Variants in TM4SF1 observed in about 807,000 individuals in gnomAD.
TM4SF1 encodes the protein transmembrane 4 L six family member 1.
TM4SF1 carries 20 observed loss-of-function variants against 24.5 expected under a neutral mutation model. That is an observed-to-expected ratio of 0.82 (90% CI 0.57 to 1.19). TM4SF1 has a LOEUF of 1.19. TM4SF1 is among the 50% of genes most tolerant of loss of function. The pLI, the probability that TM4SF1 is intolerant of heterozygous loss-of-function variation, is 0.00. For synonymous variants in TM4SF1, 107 were observed against 95.4 expected (o/e 1.12, Z -0.71); for missense variants, 258 against 248.1 (o/e 1.04, Z -0.27).
In TM4SF1 at chr3:149,375,570, C is replaced by T. The variant is rs774759614; in HGVS notation, c.286G>A (p.Ala96Thr). 4 of 1,614,126 alleles carry T rather than the reference C, an allele frequency of 2.5e-6. No individual in the cohort carries two copies. The highest frequency in any genetic ancestry group is 1.1e-5 in the South Asian group (1 of 91,078). The stretch of plus-strand genomic sequence containing the variant: ...GATCCTGCAATTCCAATGAGAGCAG[C>T]CAATACAGAAGAAAGCATCTAGGGA... ...KRCAMLSSVL[A>T]ALIGIAGSGY... Residue 96 changes from alanine (A) to threonine (T), a missense_variant, in exon 3 of 5, where the codon GCT (alanine) becomes ACT (threonine). Physicochemically the swap from Ala to Thr is moderately conservative, Grantham distance 58 (BLOSUM62 0). Transcript: ENST00000305366.
Position 149,369,801 on chromosome 3 carries a change from CA to C in TM4SF1, c.*64del. On this transcript the variant is annotated 3_prime_UTR_variant, in exon 5 of 5. Transcript: ENST00000305366. ...TAATACAAAGTTTTACAAATGAATA[CA>C]AGTGAAATATATAAATTACAATGAA... 6.2e-7 allele frequency: 1 copy of C among 1,601,224 alleles called. No individual in the cohort carries two copies. Among genetic ancestry groups the C allele is most frequent in the Non-Finnish European group, 8.5e-7 (1 of 1,173,822 alleles).
At position 149,371,731 on chromosome 3, in the gene TM4SF1, C is replaced by A. The variant is rs537094498; in HGVS notation, c.550G>T (p.Gly184Ter). Residue 184 changes from glycine to a stop codon, truncating the protein, a stop_gained, in exon 4 of 5, where the codon GGA becomes TGA. Transcript: ENST00000305366. LOFTEE classifies it high-confidence loss of function. ...FILCLIQVIN[G>*]VLGGICGFCC... The stretch of plus-strand genomic sequence containing the variant: ...AAGCCACATATGCCTCCAAGCACTC[C>A]ATTTATTACTTGAATAAGACACAAG... 6.2e-7 allele frequency: 1 copy of A among 1,614,144 alleles called. No individual in the cohort carries two copies. Among genetic ancestry groups the A allele is most frequent in the African/African-American group, 1.3e-5 (1 of 75,032 alleles).
chr3:149,372,852 T>C (rs892196204), intron 3 of TM4SF1, among the ~76,000 whole-genome samples: 4 of 152,312 alleles, frequency 2.6e-5, no homozygotes, highest in Non-Finnish European at 4.4e-5. Context: ...CACACTGCAT[T>C]TGCTCATTCA....
At chr3:149,371,965 A>T (rs1731834412) in intron 3 of TM4SF1, 98 bp from the exon 4 acceptor site, 4 of 1,187,210 alleles carry the variant, frequency 3.4e-6, no homozygotes, top group Non-Finnish European at 4.8e-6. Flanking sequence ...GAAAAAAGGA[A>T]TGAATTATTC....
In TM4SF1 at chr3:149,375,687, C is replaced by T. The variant is rs746963430; in HGVS notation, c.260G>A (p.Arg87Gln). The T allele has an allele frequency of 2.8e-5, 45 of 1,614,102 alleles. No homozygotes were observed. Among genetic ancestry groups the T allele is most frequent in the Admixed American group, 1.0e-4 (6 of 60,006 alleles). ...GCCGHENCGK[R>Q]CAMLSSVLAA... ...CAGGGCAGGAGGACCTACCGCACATCGTTTGCCACAGTTTTCATGGCCACA... is the reference window on the plus strand; with the variant it reads ...CAGGGCAGGAGGACCTACCGCACATTGTTTGCCACAGTTTTCATGGCCACA... The change falls in exon 2 of 5, where the codon CGA (arginine) becomes CAA (glutamine). Residue 87 changes from arginine to glutamine, a missense_variant. Coordinates refer to ENST00000305366, the MANE Select transcript of TM4SF1 (RefSeq NM_014220.3).
At chr3:149,376,265 A>AATAAT (rs1478810206) in intron 1 of TM4SF1, among the ~76,000 whole-genome samples, 1 of 152,242 alleles carries the variant, frequency 6.6e-6, no homozygotes, top group Non-Finnish European at 1.5e-5. Context: ...TAACAATATT[A>AATAAT]AGCTCTTAAA....
chr3:149,373,677 C>G (rs2108378317), intron 3 of TM4SF1, among the ~76,000 whole-genome samples: 1 of 152,264 alleles, frequency 6.6e-6, no homozygotes, highest in Non-Finnish European at 1.5e-5. Flanking sequence ...CCACCTGGCT[C>G]CCAGGCAACT....
At chr3:149,375,994 A>G (rs115829385) in intron 1 of TM4SF1, among the ~76,000 whole-genome samples, 1,529 of 152,316 alleles carry the variant, frequency 0.01, 33 homozygotes, top group African/African-American at 0.035. Context: ...TAGGGTGAGG[A>G]TGTAACATGG....
chr3:149,371,676 C>T lies in TM4SF1; in HGVS notation c.594+11G>A. 9 of 1,614,068 alleles carry T rather than the reference C, an allele frequency of 5.6e-6. No individual in the cohort carries two copies. The highest frequency in any genetic ancestry group is 6.8e-6 in the Non-Finnish European group (8 of 1,179,968). On this transcript the variant is annotated intron_variant, in intron 4 of 4. Transcript: ENST00000305366. ...AGGGCCAGACTACGACATTTTCATG[C>T]AGGTTCTTACCTGTTGGTGAGAGCA...
chr3:149,375,693 C>T lies in TM4SF1; in HGVS notation c.254G>A (p.Gly85Asp). 6 of 1,614,208 alleles carry T rather than the reference C, an allele frequency of 3.7e-6. No homozygotes were observed. Among genetic ancestry groups the T allele is most frequent in the Non-Finnish European group, 5.1e-6 (6 of 1,180,032 alleles). ...CCGCCGHENC[G>D]KRCAMLSSVL... Reference sequence around the variant, plus strand: ...AGGAGGACCTACCGCACATCGTTTGCCACAGTTTTCATGGCCACAGCAGCC... The same window carrying T: ...AGGAGGACCTACCGCACATCGTTTGTCACAGTTTTCATGGCCACAGCAGCC... The change falls in exon 2 of 5, where the codon GGC becomes GAC. Residue 85 changes from glycine (G) to aspartate (D), a missense_variant. Physicochemically the swap from Gly to Asp is moderately conservative, Grantham distance 94. Coordinates refer to ENST00000305366, the MANE Select transcript of TM4SF1 (RefSeq NM_014220.3).
At chr3:149,376,696 T>C (rs978482957) in intron 1 of TM4SF1, among the ~76,000 whole-genome samples, 12 of 152,340 alleles carry the variant, frequency 7.9e-5, no homozygotes, top group Non-Finnish European at 1.0e-4. Context: ...GTAGCAAACT[T>C]AAGTTTGCTC....
At chr3:149,377,291 C>T in intron 1 of TM4SF1, 80 bp downstream of exon 1, 2 of 1,518,324 alleles carry the variant, frequency 1.3e-6, no homozygotes, top group Non-Finnish European at 1.8e-6. Context: ...ATATGCATTA[C>T]AAAAAACTTT....
At position 149,372,790 on chromosome 3, in the gene TM4SF1, A is replaced by T. The variant is rs12635348; in HGVS notation, c.414-923T>A. On this transcript the variant is annotated intron_variant, in intron 3 of 4. Transcript: ENST00000305366. ...AGGCGTGAACCACCACGCCCGGCTG[A>T]TAGCTCTTCACTTTCATGATGCTGT... 3.8e-4 allele frequency among the ~76,000 whole-genome samples: 58 copies of T among 152,302 alleles called. No individual in the cohort carries two copies. In the East Asian group the frequency reaches 9.9e-3, roughly 26 times the overall value.
At chr3:149,370,904 G>C (rs1450759152) in intron 4 of TM4SF1, 1 of 152,094 alleles carries the variant, frequency 6.6e-6, no homozygotes, top group Non-Finnish European at 1.5e-5. Context: ...CTCAAAGATA[G>C]GATCAAAGCT....
At position 149,377,599 on chromosome 3, in the gene TM4SF1, C is replaced by T; in HGVS notation, c.-52G>A. On this transcript the variant is annotated 5_prime_UTR_variant, in exon 1 of 5. Transcript: ENST00000305366. ...TCTCTTTGTCTTCAGCTCAGTGATA[C>T]CCCAAATTAGATGAAAGTGTGCCCT... The T allele has an allele frequency of 1.9e-6, 3 of 1,565,716 alleles. No individual in the cohort carries two copies. The highest frequency in any genetic ancestry group is 2.6e-6 in the Non-Finnish European group (3 of 1,155,024).
intron 3 of TM4SF1, among the ~76,000 whole-genome samples, chr3:149,373,563 G>A (rs1731880538): frequency 1.3e-5 from 2 of 152,092 alleles, no homozygotes; most frequent in African/African-American, 2.4e-5. Context: ...GATTATAGTT[G>A]TTCATTTCAA....
intron 3 of TM4SF1, among the ~76,000 whole-genome samples, chr3:149,372,151 T>C (rs1046933555): frequency 1.3e-5 from 2 of 152,194 alleles, no homozygotes; most frequent in Admixed American, 6.5e-5. Context: ...CTAACAGGCA[T>C]CTGAATTCTT....
chr3:149,370,314 G>GTGTCTTTTGTCTTA (rs1731791347), intron 4 of TM4SF1: 2 of 163,272 alleles, frequency 1.2e-5, no homozygotes, highest in Non-Finnish European at 2.6e-5. Context: ...ATAAACAAAG[G>GTGTCTTTTGTCTTA]TAACAGATCT....
Position 149,369,718 on chromosome 3 carries a change from T to G in TM4SF1, c.*148A>C. The G allele has an allele frequency of 2.3e-6, 2 of 882,558 alleles. No individual in the cohort carries two copies. Among genetic ancestry groups the G allele is most frequent in the Non-Finnish European group, 1.7e-6 (1 of 572,866 alleles). 54.7% of individuals were successfully genotyped at this position (882,558 alleles called of 1,614,324 possible). A position where few individuals can be genotyped will look rare whatever the true frequency, so the allele number is the denominator to read the frequency against. ...ACTAAATTTAAACACTGACATCCTG[T>G]GAAGATGCCAGTCTTTACAGGCGTT... On this transcript the variant is annotated 3_prime_UTR_variant, in exon 5 of 5. Coordinates refer to ENST00000305366, the MANE Select transcript of TM4SF1 (RefSeq NM_014220.3).
Sources: allele counts gnomAD v4.1 joint callset (sites outside exome capture counted in the v4.1 genomes callset), GRCh38; gene constraint gnomAD v4.1.1; transcripts MANE v1.5; gene names NCBI Gene and HGNC (gene_info 2026-07-23, HGNC 2026-07-21).